The following TPM3 variants were observed in gnomAD, a reference collection of about 807,000 sequenced individuals.
TPM3 encodes tropomyosin alpha-3 chain.
Under a neutral mutation model 43.1 loss-of-function variants are expected in TPM3, and 16 were observed. The observed-to-expected ratio is 0.37, with a 90% CI of 0.25 to 0.56. The LOEUF is 0.56. Ranked by LOEUF, TPM3 falls within the 20% of genes least tolerant of loss-of-function variation. The pLI is 0.77. For missense variants in TPM3, 176 were observed against 337.2 expected (o/e 0.52, Z 3.74); for synonymous variants, 101 against 116.9 (o/e 0.86, Z 0.88).
intron 2 of TPM3, chr1:154,187,368 T>A: frequency 1.0e-6 from 1 of 984,840 alleles, no homozygotes; most frequent in South Asian, 4.7e-5. Context: ...TCTTGCTTGC[T>A]CCTGGCCACA....
chr1:154,180,415 G>A (rs1571433161), intron 2 of TPM3, among the ~76,000 whole-genome samples: 1 of 152,158 alleles, frequency 6.6e-6, no homozygotes, highest in Non-Finnish European at 1.5e-5. Context: ...CTTCCCACAG[G>A]TGTCTCCTCC....
Position 154,163,944 on chromosome 1 carries a change from T to G in TPM3, c.*3993A>C, listed in dbSNP as rs570337977. 2.0e-5 allele frequency among the ~76,000 whole-genome samples: 3 copies of G among 152,176 alleles called. No individual in the cohort carries two copies. In the South Asian group the frequency reaches 6.2e-4, roughly 32 times the overall value. ...CACCGTGCCTGGCCTCTTTTTTTTG[T>G]ATTTGCAATTGTCCTTCATGGTTCT... On this transcript the variant is annotated 3_prime_UTR_variant, in exon 10 of 10. Coordinates refer to ENST00000651641, the MANE Select transcript of TPM3 (RefSeq NM_152263.4).
chr1:154,177,897 A>C (rs1445106560), intron 2 of TPM3, among the ~76,000 whole-genome samples: 1 of 152,246 alleles, frequency 6.6e-6, no homozygotes, highest in Non-Finnish European at 1.5e-5. Flanking sequence ...TCGAGAAGTC[A>C]ACATAAGCTG....
chr1:154,168,689 T>C (rs1008093483), intron 9 of TPM3, among the ~76,000 whole-genome samples: 1 of 152,144 alleles, frequency 6.6e-6, no homozygotes, highest in African/African-American at 2.4e-5. Flanking sequence ...GCCCAACTAA[T>C]TTTTTAAATA....
Position 154,191,970 on chromosome 1 carries a change from C to T in TPM3, c.49G>A (p.Glu17Lys). The stretch of plus-strand genomic sequence containing the variant: ...TGCTCTGCCCGATCCAGAGCATTCT[C>T]CTTGTCTAACTTCAGCATCTGCATC... Reference protein sequence around the residue: ...KKMQMLKLDKENALDRAEQAE... With the variant: ...KKMQMLKLDKKNALDRAEQAE... Residue 17 changes from glutamate (E) to lysine (K), a missense_variant, in exon 1 of 10, where the codon GAG becomes AAG. By Grantham distance (56) the Glu-to-Lys change is moderately conservative. Transcript: ENST00000651641. The T allele has an allele frequency of 6.2e-7, 1 of 1,613,986 alleles. No homozygotes were observed. The highest frequency in any genetic ancestry group is 8.5e-7 in the Non-Finnish European group (1 of 1,180,028).
chr1:154,168,327 T>C (rs1232173317), intron 9 of TPM3, among the ~76,000 whole-genome samples: 1 of 152,220 alleles, frequency 6.6e-6, no homozygotes, highest in Non-Finnish European at 1.5e-5. Flanking sequence ...TGTCTTAATG[T>C]GTCAGGGCCC....
chr1:154,171,147 G>T, intron 6 of TPM3: 4 of 590,714 alleles, frequency 6.8e-6, no homozygotes, highest in Non-Finnish European at 9.0e-6. Flanking sequence ...AGCCTGTTAG[G>T]GCCCTTGATT....
chr1:154,182,158 C>T (rs1300619900), intron 2 of TPM3, among the ~76,000 whole-genome samples: 3 of 152,234 alleles, frequency 2.0e-5, no homozygotes, highest in South Asian at 2.1e-4. Flanking sequence ...TCGGCTTGCA[C>T]TGATCACACT....
chr1:154,157,814 G>C, downstream of TPM3: 1 of 771,114 alleles, frequency 1.3e-6, no homozygotes, highest in South Asian at 1.4e-5. Context: ...CAGAGAAGCT[G>C]CAGACTGATA....
intron 5 of TPM3, 198 bp from the exon 6 acceptor site, chr1:154,171,686 T>C (rs1200207653): frequency 3.0e-6 from 2 of 663,254 alleles, no homozygotes; most frequent in African/African-American, 1.8e-5. Flanking sequence ...GAGCTAGACC[T>C]TCCTGGGCTC....
At chr1:154,191,755 T>G in intron 1 of TPM3, 147 bp downstream of exon 1, 1 of 1,586,286 alleles carries the variant, frequency 6.3e-7, no homozygotes, top group Non-Finnish European at 8.5e-7. Flanking sequence ...ATGTTAGATA[T>G]CCTCTGCTCC....
chr1:154,157,100 T>G (rs1345012866), downstream of TPM3: 1 of 213,236 alleles, frequency 4.7e-6, no homozygotes, highest in Non-Finnish European at 9.5e-6. Flanking sequence ...CCTCCTGGAA[T>G]CACCTTTCTG....
chr1:154,185,702 A>G (rs1484544984), intron 2 of TPM3, among the ~76,000 whole-genome samples: 1 of 150,290 alleles, frequency 6.7e-6, no homozygotes. Flanking sequence ...AGAGTGAGAC[A>G]CAGTCTGAAA....
Position 154,187,333 on chromosome 1 carries a change from T to C in TPM3, c.243+3853A>G, listed in dbSNP as rs773800973. On this transcript the variant is annotated intron_variant, in intron 2 of 9. Coordinates refer to ENST00000651641, the MANE Select transcript of TPM3 (RefSeq NM_152263.4). ...CCCACAGGTGGTAGTTTGCTGACTCTAGCTTTGAGGAAAGAAACCTTTCTT... is the reference window on the plus strand; with the variant it reads ...CCCACAGGTGGTAGTTTGCTGACTCCAGCTTTGAGGAAAGAAACCTTTCTT... The C allele has an allele frequency of 2.8e-4, 276 of 984,702 alleles. 1 individual carries two copies. The highest frequency in any genetic ancestry group is 3.2e-4 in the Non-Finnish European group (265 of 829,934). 61.0% of individuals were successfully genotyped at this position (984,702 alleles called of 1,614,324 possible).
At chr1:154,155,495 G>T (rs564661817), downstream of TPM3, 8 of 236,434 alleles carry the variant, frequency 3.4e-5, no homozygotes, top group Non-Finnish European at 6.7e-5. Flanking sequence ...CAAGGGAACC[G>T]TGTATTTTTA....
At chr1:154,191,589 T>G in intron 1 of TPM3, 1 of 1,382,638 alleles carries the variant, frequency 7.2e-7, no homozygotes, top group South Asian at 1.5e-5. Context: ...GTGATGCTAT[T>G]TGAGTGAAAA....
intron 5 of TPM3, chr1:154,171,723 CT>C (rs752648588): frequency 1.8e-4 from 110 of 626,130 alleles, no homozygotes; most frequent in Non-Finnish European, 2.5e-4. Context: ...TAATAAAGCA[CT>C]TGAGAGAAAT....
In TPM3 at chr1:154,166,027, T is replaced by A. The variant is rs1660919733; in HGVS notation, c.*1910A>T. On this transcript the variant is annotated 3_prime_UTR_variant, in exon 10 of 10. Coordinates refer to ENST00000651641, the MANE Select transcript of TPM3 (RefSeq NM_152263.4). ...CTTGAGAGTAGGAATGGTGCCTCCA[T>A]CTTTATTTCTGTCTCCATCTTAATA... 6.6e-6 allele frequency among the ~76,000 whole-genome samples: 1 copy of A among 152,174 alleles called. No homozygotes were observed. Among genetic ancestry groups the A allele is most frequent in the Non-Finnish European group, 1.5e-5 (1 of 68,032 alleles).
intron 2 of TPM3, among the ~76,000 whole-genome samples, chr1:154,184,357 AC>A: frequency 6.6e-6 from 1 of 151,852 alleles, no homozygotes; most frequent in East Asian, 1.9e-4. Flanking sequence ...AAATTAACCA[AC>A]CTTCCAGCCC....
Sources: allele counts gnomAD v4.1 joint callset (sites outside exome capture counted in the v4.1 genomes callset), GRCh38; gene constraint gnomAD v4.1.1; transcripts MANE v1.5; gene names NCBI Gene and HGNC (gene_info 2026-07-23, HGNC 2026-07-21).